The following NRXN3 variants were observed in gnomAD, a reference collection of about 807,000 sequenced individuals.
NRXN3 encodes neurexin III.
A neutral mutation model predicts 137.6 loss-of-function variants in NRXN3; 32 were observed. The ratio of observed to expected loss-of-function variants is 0.23; its 90% CI spans 0.18 to 0.31. NRXN3 has a LOEUF of 0.31. Ranked by LOEUF, NRXN3 falls within the 10% of genes least tolerant of loss-of-function variation. The pLI is 1.00. For missense variants in NRXN3, 1,574 were observed against 2,062.5 expected (o/e 0.76, Z 4.59); for synonymous variants, 798 against 784.5 (o/e 1.02, Z -0.29).
intron 15 of NRXN3, among the ~76,000 whole-genome samples, chr14:79,348,378 CTTTT>C (rs10628515): frequency 7.4e-6 from 1 of 135,964 alleles, no homozygotes. Context: ...AATCTTCTCT[CTTTT>C]TTTTTTTTTT....
chr14:79,693,197 A>C (rs2154026331), intron 18 of NRXN3, among the ~76,000 whole-genome samples: 1 of 152,126 alleles, frequency 6.6e-6, no homozygotes, highest in East Asian at 1.9e-4. Flanking sequence ...TTGTTGAGCC[A>C]GTGTAAGCTA....
chr14:78,339,735 T>G (rs764006983), intron 4 of NRXN3, among the ~76,000 whole-genome samples: 1 of 152,114 alleles, frequency 6.6e-6, no homozygotes, highest in African/African-American at 2.4e-5. Flanking sequence ...GAAGTAAATA[T>G]CTTTAGGCAG....
chr14:78,898,997 A>C (rs1212983584), intron 10 of NRXN3, among the ~76,000 whole-genome samples: 1 of 151,962 alleles, frequency 6.6e-6, no homozygotes, highest in African/African-American at 2.4e-5. Context: ...GGCTGGTCAG[A>C]ACCCTGGCTT....
At chr14:79,828,521 G>A (rs1403956069) in intron 20 of NRXN3, among the ~76,000 whole-genome samples, 2 of 150,862 alleles carry the variant, frequency 1.3e-5, no homozygotes, top group African/African-American at 4.9e-5. Flanking sequence ...TCGGGAGGCT[G>A]AGCCAGGAGA....
intron 4 of NRXN3, among the ~76,000 whole-genome samples, chr14:78,630,593 C>CT (rs201621859): frequency 4.8e-5 from 6 of 125,356 alleles, no homozygotes; most frequent in East Asian, 2.3e-4. Context: ...TTCTTTCTTT[C>CT]TTTCTTTTTT....
chr14:79,837,915 C>A (rs900109775), intron 20 of NRXN3, among the ~76,000 whole-genome samples: 1 of 152,044 alleles, frequency 6.6e-6, no homozygotes, highest in Non-Finnish European at 1.5e-5. Flanking sequence ...TGGGAAATAC[C>A]TTTTATTTTC....
At chr14:78,767,438 A>T (rs775508953) in intron 8 of NRXN3, among the ~76,000 whole-genome samples, 4 of 152,176 alleles carry the variant, frequency 2.6e-5, no homozygotes, top group Non-Finnish European at 4.4e-5. Context: ...TCCTCAAGGG[A>T]GGGGAATCAC....
chr14:79,249,345 G>T (rs942068246), intron 15 of NRXN3, among the ~76,000 whole-genome samples: 1 of 152,166 alleles, frequency 6.6e-6, no homozygotes, highest in Admixed American at 6.5e-5. Context: ...GGAAGTGGGA[G>T]GGGCATAGCA....
chr14:79,029,047 A>C (rs8008781), intron 15 of NRXN3, among the ~76,000 whole-genome samples: 85,424 of 150,998 alleles, frequency 0.57, 25,464 homozygotes, highest in East Asian at 0.81. Context: ...GGCAAGGAAG[A>C]AAGCAAGGAA....
At chr14:79,262,950 CT>C (rs2077862008) in intron 15 of NRXN3, among the ~76,000 whole-genome samples, 1 of 152,148 alleles carries the variant, frequency 6.6e-6, no homozygotes, top group African/African-American at 2.4e-5. Context: ...TGCTGGATGT[CT>C]ACAGCTGGAG....
chr14:78,199,963 G>A (rs541683267), intron 1 of NRXN3, among the ~76,000 whole-genome samples: 20 of 152,322 alleles, frequency 1.3e-4, no homozygotes, highest in Admixed American at 1.2e-3. Flanking sequence ...TGGAAATGAA[G>A]CATAGCCCTG....
chr14:78,290,235 A>C (rs1202226939), intron 3 of NRXN3, among the ~76,000 whole-genome samples: 1 of 152,202 alleles, frequency 6.6e-6, no homozygotes, highest in African/African-American at 2.4e-5. Context: ...TTAGCCCTTA[A>C]AATTAAATTT....
chr14:78,888,470 A>G, intron 10 of NRXN3, among the ~76,000 whole-genome samples: 1 of 152,070 alleles, frequency 6.6e-6, no homozygotes, highest in Non-Finnish European at 1.5e-5. Flanking sequence ...ACAATGTAAG[A>G]CAATTTGTTA....
intron 5 of NRXN3, among the ~76,000 whole-genome samples, chr14:78,650,811 T>G (rs1251674335): frequency 6.6e-6 from 1 of 152,126 alleles, no homozygotes; most frequent in Non-Finnish European, 1.5e-5. Flanking sequence ...AACAATCATG[T>G]AAGAAATAAA....
chr14:78,203,712 T>A (rs2061889537), intron 1 of NRXN3, among the ~76,000 whole-genome samples: 1 of 152,134 alleles, frequency 6.6e-6, no homozygotes, highest in Non-Finnish European at 1.5e-5. Flanking sequence ...CTGAAAACTT[T>A]AAAAAGTCAG....
chr14:79,211,723 G>T (rs2067688493), intron 15 of NRXN3, among the ~76,000 whole-genome samples: 1 of 152,080 alleles, frequency 6.6e-6, no homozygotes, highest in East Asian at 1.9e-4. Flanking sequence ...AACATCCAGT[G>T]GCTATTCCAA....
chr14:79,327,146 T>C (rs2153291898), intron 15 of NRXN3, among the ~76,000 whole-genome samples: 1 of 152,286 alleles, frequency 6.6e-6, no homozygotes, highest in South Asian at 2.1e-4. Context: ...GTAGGCATTA[T>C]AAGCTGAGTA....
At chr14:79,466,257 A>G (rs2096420805) in intron 15 of NRXN3, among the ~76,000 whole-genome samples, 1 of 152,142 alleles carries the variant, frequency 6.6e-6, no homozygotes, top group Admixed American at 6.5e-5. Context: ...CCAGATAAAT[A>G]CCACCACTAG....
intron 6 of NRXN3, among the ~76,000 whole-genome samples, chr14:78,703,297 C>T (rs7142509): frequency 0.01 from 1,579 of 152,230 alleles, 28 homozygotes; most frequent in African/African-American, 0.036. Flanking sequence ...AGGGAGAAAT[C>T]ACAGCAGGCC....
Sources: gnomAD v4.1 joint callset for allele counts (sites outside exome capture counted in the v4.1 genomes callset) on GRCh38, gnomAD v4.1.1 for gene constraint, MANE v1.5 for transcripts, NCBI Gene and HGNC (gene_info 2026-07-23, HGNC 2026-07-21) for gene names.